Variants in KCNQ5 observed in about 807,000 individuals in gnomAD.
KCNQ5 encodes potassium voltage-gated channel subfamily KQT member 5.
A neutral mutation model predicts 98.2 loss-of-function variants in KCNQ5; 30 were observed. The observed-to-expected ratio is 0.31, with a 90% CI of 0.23 to 0.41. The LOEUF (loss-of-function observed/expected upper bound fraction) is 0.41. Among genes scored for constraint, KCNQ5 ranks in the 10% least tolerant of loss-of-function variants. The pLI is 1.00. For missense variants in KCNQ5, 835 were observed against 1,182.5 expected, an observed-to-expected ratio of 0.71 and a Z score of 4.31; for synonymous variants, 458 against 449.4, an observed-to-expected ratio of 1.02 and a Z score of -0.24.
At chr6:73,079,731 A>C (rs1465247325) in intron 5 of KCNQ5, among the ~76,000 whole-genome samples, 1 of 152,202 alleles carries the variant, frequency 6.6e-6, no homozygotes, top group Non-Finnish European at 1.5e-5. Context: ...CATTTCGAAA[A>C]AGAGTGGAAG....
chr6:72,878,653 C>T (rs1210024806), intron 1 of KCNQ5, among the ~76,000 whole-genome samples: 2 of 152,062 alleles, frequency 1.3e-5, no homozygotes, highest in Non-Finnish European at 2.9e-5. Flanking sequence ...TGACATTTTC[C>T]CAGCCTACTT....
chr6:73,020,933 C>T (rs1461734688), intron 2 of KCNQ5, among the ~76,000 whole-genome samples: 1 of 152,048 alleles, frequency 6.6e-6, no homozygotes, highest in Non-Finnish European at 1.5e-5. Context: ...CACACACACA[C>T]ACAGTCATGT....
intron 1 of KCNQ5, among the ~76,000 whole-genome samples, chr6:72,635,670 G>GTTTTTTTTTTTTTTTTTTT (rs528990234): frequency 4.2e-4 from 27 of 65,052 alleles, no homozygotes; most frequent in Non-Finnish European, 4.9e-4. Flanking sequence ...ATTGCTCCTA[G>GTTTTTTTTTTTTTTTTTTT]TTTTTTTTTT....
rs1295488932 is a variant in KCNQ5, at chr6:72,887,073, T to A, written c.399-116835T>A. On this transcript the variant is annotated intron_variant, in intron 1 of 13. Coordinates refer to ENST00000370398, the MANE Select transcript of KCNQ5 (RefSeq NM_019842.4). Reference sequence around the variant, plus strand: ...AAAACTACTGTAAAACAATTGCAAATAAATTTTAAGAGGATTATCAGAATA... The same window carrying A: ...AAAACTACTGTAAAACAATTGCAAAAAAATTTTAAGAGGATTATCAGAATA... Among the ~76,000 whole-genome samples, 4 of 152,052 alleles carry A rather than the reference T, an allele frequency of 2.6e-5. No individual in the cohort carries two copies. The East Asian group carries it at 5.8e-4, about 22-fold the overall frequency.
chr6:72,725,042 A>G (rs1240865028), intron 1 of KCNQ5, among the ~76,000 whole-genome samples: 1 of 152,150 alleles, frequency 6.6e-6, no homozygotes, highest in Non-Finnish European at 1.5e-5. Flanking sequence ...AGAATACACT[A>G]CGTTAAAAAT....
At chr6:72,823,437 A>G (rs1310437551) in intron 1 of KCNQ5, among the ~76,000 whole-genome samples, 1 of 152,174 alleles carries the variant, frequency 6.6e-6, no homozygotes, top group Non-Finnish European at 1.5e-5. Flanking sequence ...ATTTGTAGGA[A>G]ACTCTTAGAA....
intron 1 of KCNQ5, among the ~76,000 whole-genome samples, chr6:72,872,854 G>C (rs1371479569): frequency 2.6e-5 from 4 of 151,978 alleles, no homozygotes. Context: ...CCTTGAAATT[G>C]ATGTCCGTAT....
At chr6:72,828,961 C>G (rs9446764) in intron 1 of KCNQ5, among the ~76,000 whole-genome samples, 115,959 of 151,936 alleles carry the variant, frequency 0.76, 44,789 homozygotes, top group African/African-American at 0.9. Context: ...TACATATCTA[C>G]ATATATACAC....
At chr6:72,775,222 A>G (rs1345735983) in intron 1 of KCNQ5, among the ~76,000 whole-genome samples, 2 of 152,188 alleles carry the variant, frequency 1.3e-5, no homozygotes, top group East Asian at 1.9e-4. Flanking sequence ...ATCTAAAGCT[A>G]TATGCAACAA....
intron 1 of KCNQ5, among the ~76,000 whole-genome samples, chr6:72,815,351 TA>T (rs1775457484): frequency 6.6e-6 from 1 of 152,198 alleles, no homozygotes; most frequent in Non-Finnish European, 1.5e-5. Flanking sequence ...TGTAAAGTTC[TA>T]TGTGGTATAA....
rs943398087 is a variant in KCNQ5 at position 72,622,099 on chromosome 6, C to T, written c.-91C>T. Reference sequence around the variant, plus strand: ...GGCTGGCGGGCGCCCCGTCGGCCGCCGGCTTCCTCCTTGAAACCCGCCGGC... The same window carrying T: ...GGCTGGCGGGCGCCCCGTCGGCCGCTGGCTTCCTCCTTGAAACCCGCCGGC... On this transcript the variant is annotated 5_prime_UTR_variant, in exon 1 of 14. Coordinates refer to ENST00000370398, the MANE Select transcript of KCNQ5 (RefSeq NM_019842.4). The surrounding 1 kb of genome is among the most constrained non-coding windows in gnomAD (Gnocchi z 6.0). 37 of 1,140,920 alleles carry T rather than the reference C, an allele frequency of 3.2e-5. No individual in the cohort carries two copies. Among genetic ancestry groups the T allele is most frequent in the Non-Finnish European group, 3.7e-5 (34 of 912,854 alleles). The allele number at this position is 1,140,920 out of a possible 1,614,324, so 70.7% of individuals were successfully genotyped here. A position where few individuals can be genotyped will look rare whatever the true frequency, so the allele number is the denominator to read the frequency against.
chr6:73,175,100 T>G (rs898974871), intron 11 of KCNQ5, among the ~76,000 whole-genome samples: 7 of 152,030 alleles, frequency 4.6e-5, no homozygotes, highest in Non-Finnish European at 1.5e-5. Context: ...CATTTTCCCC[T>G]TGAAGTTACC....
At position 72,877,394 on chromosome 6, in the gene KCNQ5, T is replaced by C. The variant is rs182238700; in HGVS notation, c.399-126514T>C. 2.9e-3 allele frequency among the ~76,000 whole-genome samples: 441 copies of C among 152,328 alleles called. 1 individual carries two copies. In the Middle Eastern group the frequency reaches 0.031, roughly 11 times the overall value. ...CCATGTCCCTGCAAAGGACAAGATCTCACTCTATTTTATGGCTGCATAGTA... is the reference window on the plus strand; with the variant it reads ...CCATGTCCCTGCAAAGGACAAGATCCCACTCTATTTTATGGCTGCATAGTA... On this transcript the variant is annotated intron_variant, in intron 1 of 13. Transcript: ENST00000370398.
intron 1 of KCNQ5, among the ~76,000 whole-genome samples, chr6:72,852,690 T>C (rs984829514): frequency 8.3e-6 from 1 of 120,334 alleles, no homozygotes; most frequent in African/African-American, 3.1e-5. Context: ...AGATGTTAAA[T>C]TTTATATGTA....
chr6:72,700,302 T>TCTATCTAA (rs1768736472), intron 1 of KCNQ5, among the ~76,000 whole-genome samples: 1 of 139,572 alleles, frequency 7.2e-6, no homozygotes, highest in Admixed American at 7.1e-5. Flanking sequence ...TATCTATCTA[T>TCTATCTAA]CTATCTATCT....
At chr6:72,634,506 T>C (rs1477067885) in intron 1 of KCNQ5, among the ~76,000 whole-genome samples, 2 of 152,232 alleles carry the variant, frequency 1.3e-5, no homozygotes, top group Non-Finnish European at 2.9e-5. Flanking sequence ...TCTTTTTTTG[T>C]ATCCTATATA....
chr6:73,160,025 GTTTT>G (rs1554217105), intron 10 of KCNQ5, among the ~76,000 whole-genome samples: 2 of 145,252 alleles, frequency 1.4e-5, no homozygotes, highest in South Asian at 2.1e-4. Flanking sequence ...TTGTTTGTTT[GTTTT>G]TTGAGACAGA....
At chr6:73,103,494 G>A (rs991482088) in intron 5 of KCNQ5, among the ~76,000 whole-genome samples, 1 of 152,046 alleles carries the variant, frequency 6.6e-6, no homozygotes, top group African/African-American at 2.4e-5. Flanking sequence ...ATGGGGGGGG[G>A]GGAGAGGGGA....
At position 72,715,127 on chromosome 6, in the gene KCNQ5, T is replaced by G. The variant is rs192470116; in HGVS notation, c.398+92540T>G. Among the ~76,000 whole-genome samples, 241 of 152,316 alleles carry G rather than the reference T, an allele frequency of 1.6e-3. 2 individuals are homozygous for G. Among genetic ancestry groups the G allele is most frequent in the African/African-American group, 5.6e-3 (231 of 41,570 alleles). On this transcript the variant is annotated intron_variant, in intron 1 of 13. Transcript: ENST00000370398. ...AAATGTTGTATTATAAAGAAGTGCA[T>G]GCAAACTATTTATTAGTGAATATTT...
Sources: gnomAD v4.1 joint callset for allele counts (sites outside exome capture counted in the v4.1 genomes callset) on GRCh38, gnomAD v4.1.1 for gene constraint, Gnocchi (gnomAD v3.1) non-coding constraint, MANE v1.5 for transcripts, NCBI Gene and HGNC (gene_info 2026-07-23, HGNC 2026-07-21) for gene names.